SFI1: variants seen among roughly 807,000 people sequenced by gnomAD.
SFI1 encodes protein SFI1 homolog.
A neutral mutation model predicts 207.5 loss-of-function variants in SFI1; 195 were observed. The ratio of observed to expected loss-of-function variants is 0.94; its 90% CI spans 0.84 to 1.06. The LOEUF (loss-of-function observed/expected upper bound fraction) is 1.06, where lower values mean the gene tolerates loss of function less well. Among genes scored for constraint, SFI1 ranks in the 50% least tolerant of loss-of-function variants. The pLI is 0.00. For missense variants in SFI1, 1,634 were observed against 1,588.0 expected (o/e 1.03, Z -0.49); for synonymous variants, 630 against 598.9 (o/e 1.05, Z -0.76).
At chr22:31,517,667 T>TC (rs891122513) in intron 2 of SFI1, among the ~76,000 whole-genome samples, 11 of 152,298 alleles carry the variant, frequency 7.2e-5, no homozygotes, top group African/African-American at 2.2e-4. Flanking sequence ...TCTTTTTTTT[T>TC]CACATGGGTA....
intron 27 of SFI1, 95 bp downstream of exon 27, chr22:31,613,950 G>C (rs576916622): frequency 7.0e-7 from 1 of 1,432,404 alleles, no homozygotes; most frequent in Admixed American, 2.5e-5. Context: ...GGGATGGGAC[G>C]GGCTGGTCAC....
chr22:31,555,594 T>C (rs1438626955), intron 6 of SFI1, among the ~76,000 whole-genome samples: 5 of 152,178 alleles, frequency 3.3e-5, no homozygotes, highest in Non-Finnish European at 7.3e-5. Flanking sequence ...GAAAGAGCAG[T>C]TAGTGTTTAT....
intron 31 of SFI1, among the ~76,000 whole-genome samples, chr22:31,617,454 C>G (rs2071840399): frequency 6.6e-6 from 1 of 152,158 alleles, no homozygotes; most frequent in South Asian, 2.1e-4. Flanking sequence ...GGCGCAGTGA[C>G]TCACACCTGT....
intron 4 of SFI1, among the ~76,000 whole-genome samples, chr22:31,540,596 T>C (rs1276223262): frequency 6.6e-6 from 1 of 150,976 alleles, no homozygotes; most frequent in Admixed American, 6.6e-5. Flanking sequence ...TTTTTTTTTT[T>C]TTTAAACAGA....
In SFI1 at chr22:31,615,049, C is replaced by T. The variant is rs2071164200; in HGVS notation, c.3070C>T (p.Pro1024Ser). 1 of 1,611,142 alleles carries T rather than the reference C, an allele frequency of 6.2e-7. No homozygotes were observed. The highest frequency in any genetic ancestry group is 8.5e-7 in the Non-Finnish European group (1 of 1,179,202). Reference protein sequence around the residue: ...FLLEPAQSQRPQKPQEHGLGM... With the variant: ...FLLEPAQSQRSQKPQEHGLGM... The stretch of plus-strand genomic sequence containing the variant: ...GGCTCTTGCCTTCCCTGTGCTCAGG[C>T]CTCAGAAGCCACAGGAACATGGCCT... Residue 1024 changes from proline to serine, a missense_variant and splice_region_variant, in exon 29 of 33, where the codon CCT becomes TCT. Pro to Ser is a moderately conservative substitution (Grantham distance 74, BLOSUM62 -1). Transcript: ENST00000400288.
chr22:31,535,566 C>T (rs1449986888), intron 4 of SFI1, among the ~76,000 whole-genome samples: 9 of 151,618 alleles, frequency 5.9e-5, no homozygotes, highest in African/African-American at 1.2e-4. Flanking sequence ...TGCAGTGGCG[C>T]GATCTTGGCT....
chr22:31,599,478 C>T (rs2067757692), intron 15 of SFI1, among the ~76,000 whole-genome samples: 2 of 152,160 alleles, frequency 1.3e-5, no homozygotes, highest in African/African-American at 4.8e-5. Context: ...AGGCACACGC[C>T]ACCACGCCCA....
At chr22:31,550,494 G>A in intron 6 of SFI1, 146 bp downstream of exon 6, 1 of 645,094 alleles carries the variant, frequency 1.6e-6, no homozygotes, top group Admixed American at 2.8e-5. Context: ...TTTTCAGAAA[G>A]TGTGATCTCT....
chr22:31,532,904 T>G (rs5998032), intron 4 of SFI1, among the ~76,000 whole-genome samples: 103,957 of 152,072 alleles, frequency 0.68, 36,069 homozygotes, highest in Middle Eastern at 0.75. Context: ...GGTTAGGGAA[T>G]TGGGGTGGTT....
Position 31,602,200 on chromosome 22 carries a change from C to T in SFI1, c.1545-12C>T, listed in dbSNP as rs1569443507. 9.3e-6 allele frequency: 15 copies of T among 1,609,988 alleles called. No individual in the cohort carries two copies. Among genetic ancestry groups the T allele is most frequent in the Non-Finnish European group, 1.3e-5 (15 of 1,176,330 alleles). On this transcript the variant is annotated splice_polypyrimidine_tract_variant and intron_variant, in intron 15 of 32. Transcript: ENST00000400288. ...TTGTTTTAAGTGCTTTACATTCTTC[C>T]TTGTTTTTTAGGGAGACATTAGAGA... is the stretch of plus-strand genomic sequence containing the variant.
intron 7 of SFI1, among the ~76,000 whole-genome samples, chr22:31,560,806 A>G (rs1894149008): frequency 6.6e-6 from 1 of 150,858 alleles, no homozygotes; most frequent in African/African-American, 2.4e-5. Context: ...GGTTCAAGCT[A>G]TTCTCCTGCC....
rs147964819 is a variant in SFI1, at chr22:31,568,469, T to C, written c.766-4589T>C. Among the ~76,000 whole-genome samples the C allele has an allele frequency of 5.0e-3, 685 of 136,150 alleles. 5 individuals are homozygous for C. Among genetic ancestry groups the C allele is most frequent in the Non-Finnish European group, 6.8e-3 (450 of 66,258 alleles). 89.3% of individuals were successfully genotyped at this position (136,150 alleles called of 152,430 possible). On this transcript the variant is annotated intron_variant, in intron 8 of 32. Transcript: ENST00000400288. ...TCACTTGAATCCAGGAAGCAGAGGTTGCAGTGAGCTGAGATTGTGCCAACT... is the reference window on the plus strand; with the variant it reads ...TCACTTGAATCCAGGAAGCAGAGGTCGCAGTGAGCTGAGATTGTGCCAACT...
intron 20 of SFI1, 85 bp downstream of exon 20, chr22:31,605,030 G>A (rs1182335607): frequency 1.5e-5 from 18 of 1,205,522 alleles, no homozygotes; most frequent in Non-Finnish European, 1.9e-5. Context: ...GTCCTGCTGA[G>A]GGCCAGGTCG....
intron 3 of SFI1, 55 bp from the exon 4 acceptor site, chr22:31,531,003 G>A: frequency 6.7e-7 from 1 of 1,482,148 alleles, no homozygotes; most frequent in Non-Finnish European, 9.3e-7. Flanking sequence ...GAAAACTGCT[G>A]ATGTAAGCCA....
rs150339016 is a variant in SFI1, at chr22:31,531,311, A to G, written c.338+182A>G. On this transcript the variant is annotated intron_variant, in intron 4 of 32. Transcript: ENST00000400288. ...GTGGTAACTTCATATCTGTTAGTTGACTGCAGCTGCATTCATGGTGAGCTG... is the reference window on the plus strand; with the variant it reads ...GTGGTAACTTCATATCTGTTAGTTGGCTGCAGCTGCATTCATGGTGAGCTG... Among the ~76,000 whole-genome samples, 269 of 152,290 alleles carry G rather than the reference A, an allele frequency of 1.8e-3. 1 individual carries two copies. Among genetic ancestry groups the G allele is most frequent in the African/African-American group, 6.2e-3 (256 of 41,556 alleles).
At chr22:31,547,852 C>T (rs1414665870) in intron 5 of SFI1, among the ~76,000 whole-genome samples, 1 of 150,994 alleles carries the variant, frequency 6.6e-6, no homozygotes, top group Non-Finnish European at 1.5e-5. Context: ...TCAGGTGATC[C>T]TGCCACCTTG....
At chr22:31,580,912 A>C (rs1264394853) in intron 12 of SFI1, among the ~76,000 whole-genome samples, 1 of 152,014 alleles carries the variant, frequency 6.6e-6, no homozygotes, top group Non-Finnish European at 1.5e-5. Flanking sequence ...CCATTTTTTT[A>C]TCTATTTGCC....
At chr22:31,530,475 G>T (rs2058390715) in intron 3 of SFI1, 1 of 250,640 alleles carries the variant, frequency 4.0e-6, no homozygotes, top group Admixed American at 6.6e-5. Context: ...GGGCGACAGA[G>T]CAAAACTCTG....
intron 2 of SFI1, among the ~76,000 whole-genome samples, chr22:31,516,752 C>T (rs962674859): frequency 2.7e-5 from 4 of 150,164 alleles, no homozygotes; most frequent in African/African-American, 9.8e-5. Context: ...GTCGGGAGTT[C>T]GAGACCAGCC....
Sources: allele counts gnomAD v4.1 joint callset (sites outside exome capture counted in the v4.1 genomes callset), GRCh38; gene constraint gnomAD v4.1.1; transcripts MANE v1.5; gene names NCBI Gene and HGNC (gene_info 2026-07-23, HGNC 2026-07-21).